EMC1: variants seen among roughly 807,000 people sequenced by gnomAD.
EMC1 encodes the protein ER membrane protein complex subunit 1.
EMC1 carries 103 observed loss-of-function variants against 128.8 expected under a neutral mutation model. That is an observed-to-expected ratio of 0.80 (90% confidence interval 0.68 to 0.94). The LOEUF (loss-of-function observed/expected upper bound fraction) is 0.94. Ranked by LOEUF, EMC1 falls within the 40% of genes least tolerant of loss-of-function variation. The pLI, the probability that EMC1 is intolerant of heterozygous loss-of-function variation, is 0.00. For synonymous variants in EMC1, 442 were observed against 490.4 expected, an observed-to-expected ratio of 0.90 and a Z score of 1.30; for missense variants, 1,083 against 1,250.6, an observed-to-expected ratio of 0.87 and a Z score of 2.02.
intron 17 of EMC1, among the ~76,000 whole-genome samples, chr1:19,229,093 G>A (rs1213083187): frequency 6.6e-6 from 1 of 152,114 alleles, no homozygotes; most frequent in African/African-American, 2.4e-5. Flanking sequence ...CCACACAGCT[G>A]TTGATAGGGA....
chr1:19,237,105 G>A lies in EMC1; in HGVS notation c.1309+37C>T, dbSNP rs895216743. On this transcript the variant is annotated intron_variant, in intron 12 of 22. Transcript: ENST00000477853. ...TGATTGGAACACATTGGAAGGCCTG[G>A]GGAAATAAAAAAATGGGTTGAATGA... 5 of 1,458,924 alleles carry A rather than the reference G, an allele frequency of 3.4e-6. No homozygotes were observed. The East Asian group carries it at 1.1e-4, about 33-fold the overall frequency. 90.4% of individuals were successfully genotyped at this position (1,458,924 alleles called of 1,614,324 possible). A position where few individuals can be genotyped will look rare whatever the true frequency, so the allele number is the denominator to read the frequency against.
chr1:19,230,112 G>A (rs1432765992), intron 17 of EMC1, among the ~76,000 whole-genome samples: 2 of 152,200 alleles, frequency 1.3e-5, no homozygotes, highest in East Asian at 3.9e-4. Flanking sequence ...AGTATGTGAG[G>A]ATTAAAGCAA....
intron 1 of EMC1, among the ~76,000 whole-genome samples, chr1:19,245,641 T>TTTTTTTTTTTG (rs2093628705): frequency 6.7e-6 from 1 of 149,220 alleles, no homozygotes; most frequent in African/African-American, 2.5e-5. Flanking sequence ...TTTTTTTTTT[T>TTTTTTTTTTTG]GAGACGAAGT....
At chr1:19,225,250 C>T (rs1302002888) in intron 18 of EMC1, among the ~76,000 whole-genome samples, 3 of 152,224 alleles carry the variant, frequency 2.0e-5, no homozygotes, top group Non-Finnish European at 4.4e-5. Flanking sequence ...GGTGCGGTGG[C>T]TCATGCCTGT....
chr1:19,233,090 A>G lies in EMC1; in HGVS notation c.1478T>C (p.Ile493Thr), dbSNP rs941950774. 3.7e-6 allele frequency: 6 copies of G among 1,614,212 alleles called. No homozygotes were observed. Among genetic ancestry groups the G allele is most frequent in the African/African-American group, 2.7e-5 (2 of 75,042 alleles). Residue 493 changes from isoleucine (I) to threonine (T), a missense_variant, in exon 14 of 23, where the codon ATC becomes ACC. This residue lies in a region of EMC1 where 527 missense variants were observed against 644.1 expected (regional missense o/e 0.82). Transcript: ENST00000477853. ...GTGGGAAGTCCATGCTTGCAGCAGG[A>G]TAAGCTGAGACGAGAGGCGTTTCAG... ...MFLKRLSSQL[I>T]LLQAWTSHLW...
chr1:19,234,612 C>T (rs2093549317), intron 13 of EMC1, among the ~76,000 whole-genome samples: 1 of 152,186 alleles, frequency 6.6e-6, no homozygotes, highest in Admixed American at 6.5e-5. Context: ...CTTTGGGAGG[C>T]CAAAGCTGGC....
intron 5 of EMC1, 102 bp downstream of exon 5, chr1:19,242,243 A>C: frequency 1.7e-4 from 204 of 1,206,594 alleles, no homozygotes; most frequent in Non-Finnish European, 2.3e-4. Flanking sequence ...CCAACAAGAG[A>C]CAGGCCTGGG....
chr1:19,219,005 C>T lies in EMC1; in HGVS notation c.*298G>A, dbSNP rs570929678. On this transcript the variant is annotated 3_prime_UTR_variant, in exon 23 of 23. Transcript: ENST00000477853. ...TCTTATTAAAAAAAACAAAACAGAA[C>T]ATTCATGGATGGGCAAAGAAAGGAA... 4.6e-5 allele frequency: 12 copies of T among 262,308 alleles called. No individual in the cohort carries two copies. The highest frequency in any genetic ancestry group is 3.4e-4 in the Admixed American group (7 of 20,578). 16.2% of individuals were successfully genotyped at this position (262,308 alleles called of 1,614,324 possible). A position where few individuals can be genotyped will look rare whatever the true frequency, so the allele number is the denominator to read the frequency against.
At chr1:19,241,431 C>T (rs1032174467) in intron 5 of EMC1, among the ~76,000 whole-genome samples, 1 of 152,228 alleles carries the variant, frequency 6.6e-6, no homozygotes, top group Non-Finnish European at 1.5e-5. Context: ...TAAGGCTGCC[C>T]CCTCCAGGCA....
chr1:19,227,945 C>A (rs993150967), intron 17 of EMC1, among the ~76,000 whole-genome samples: 1 of 152,170 alleles, frequency 6.6e-6, no homozygotes, highest in African/African-American at 2.4e-5. Context: ...GTGGCTCACA[C>A]CTGTAATCCC....
At position 19,231,430 on chromosome 1, in the gene EMC1, G is replaced by T. The variant is rs1323481821; in HGVS notation, c.1783-8C>A. 2 of 1,609,782 alleles carry T rather than the reference G, an allele frequency of 1.2e-6. No individual in the cohort carries two copies. Among genetic ancestry groups the T allele is most frequent in the South Asian group, 1.1e-5 (1 of 90,370 alleles). ...AGAACTCATTCCCGACTCCTAAAAT[G>T]AGCAAACTGTCAGGCTCCACCAACA... is the stretch of plus-strand genomic sequence containing the variant. On this transcript the variant is annotated splice_region_variant and splice_polypyrimidine_tract_variant and intron_variant, in intron 15 of 22. Transcript: ENST00000477853.
intron 9 of EMC1, 64 bp downstream of exon 9, chr1:19,239,167 C>T (rs750267423): frequency 1.7e-4 from 253 of 1,462,438 alleles, no homozygotes; most frequent in Non-Finnish European, 2.2e-4. Flanking sequence ...TTCTGATTTT[C>T]AGGGTTCCTA....
intron 1 of EMC1, among the ~76,000 whole-genome samples, chr1:19,247,411 G>A (rs1425022781): frequency 6.6e-6 from 1 of 152,130 alleles, no homozygotes; most frequent in Non-Finnish European, 1.5e-5. Context: ...ATGATTGATC[G>A]CATATACAGC....
chr1:19,248,329 C>A (rs2093641222), intron 1 of EMC1, among the ~76,000 whole-genome samples: 1 of 152,168 alleles, frequency 6.6e-6, no homozygotes, highest in Non-Finnish European at 1.5e-5. Context: ...TCCCGAGTAG[C>A]TGGGACTACA....
At chr1:19,240,265 T>C (rs1381491535) in intron 7 of EMC1, 32 bp downstream of exon 7, 1 of 1,613,180 alleles carries the variant, frequency 6.2e-7, no homozygotes, top group African/African-American at 1.3e-5. Context: ...AGGAAATGCC[T>C]CAGGCCAGAA....
chr1:19,247,879 G>T (rs1362454046), intron 1 of EMC1, among the ~76,000 whole-genome samples: 1 of 152,116 alleles, frequency 6.6e-6, no homozygotes, highest in Non-Finnish European at 1.5e-5. Context: ...ACAAAAATTA[G>T]CCAGGCATAG....
chr1:19,248,115 C>T (rs1332995965), intron 1 of EMC1, among the ~76,000 whole-genome samples: 2 of 151,976 alleles, frequency 1.3e-5, no homozygotes, highest in Non-Finnish European at 2.9e-5. Flanking sequence ...GCCAGTAAGA[C>T]AGTATGTGGA....
intron 2 of EMC1, 127 bp from the exon 3 acceptor site, chr1:19,244,142 T>A: frequency 1.2e-6 from 1 of 860,004 alleles, no homozygotes; most frequent in Non-Finnish European, 1.9e-6. Flanking sequence ...TGAAGGAGTA[T>A]AGCTAACTGG....
At chr1:19,231,603 A>G (rs1366294935) in intron 15 of EMC1, among the ~76,000 whole-genome samples, 181 bp from the exon 16 acceptor site, 1 of 152,142 alleles carries the variant, frequency 6.6e-6, no homozygotes, top group Non-Finnish European at 1.5e-5. Context: ...CACAAAGAAA[A>G]AAGTCAAACT....
Sources: allele counts gnomAD v4.1 joint callset (sites outside exome capture counted in the v4.1 genomes callset), GRCh38; gene constraint gnomAD v4.1.1; regional missense constraint gnomAD v4.1.1; transcripts MANE v1.5; gene names NCBI Gene and HGNC (gene_info 2026-07-23, HGNC 2026-07-21).